LINGO2: variants seen among roughly 807,000 people sequenced by gnomAD.
LINGO2 encodes the protein leucine rich repeat and Ig domain containing 2.
LINGO2 carries 14 observed loss-of-function variants against 30.6 expected under a neutral mutation model. The ratio of observed to expected loss-of-function variants is 0.46; its 90% confidence interval spans 0.30 to 0.72. The LOEUF is 0.72. LINGO2 is among the 30% of genes least tolerant of loss of function. LINGO2 has a pLI of 0.07. For missense variants in LINGO2, 729 were observed against 751.7 expected (o/e 0.97, Z 0.35); for synonymous variants, 317 against 288.5 (o/e 1.10, Z -1.00).
the LINGO2 span, among the ~76,000 whole-genome samples, chr9:29,202,231 G>C: frequency 3.3e-5 from 5 of 151,800 alleles, no homozygotes; most frequent in South Asian, 2.1e-4. Flanking sequence ...TGTAAAAGTA[G>C]AGAGATTCCA....
At chr9:28,337,479 A>G (rs915938263) in intron 3 of LINGO2, among the ~76,000 whole-genome samples, 2 of 152,310 alleles carry the variant, frequency 1.3e-5, no homozygotes, top group African/African-American at 4.8e-5. Context: ...TGTATAAGTA[A>G]CACGGAGCCA....
the LINGO2 span, among the ~76,000 whole-genome samples, chr9:29,048,166 T>C: frequency 6.6e-6 from 1 of 151,822 alleles, no homozygotes; most frequent in Admixed American, 6.6e-5. Flanking sequence ...CATTTCTATA[T>C]GCCAACAATG....
At chr9:29,061,194 C>G in the LINGO2 span, among the ~76,000 whole-genome samples, 1 of 151,934 alleles carries the variant, frequency 6.6e-6, no homozygotes, top group East Asian at 1.9e-4. Context: ...TTGATACATG[C>G]AGCAGCATGC....
chr9:29,004,534 T>C, the LINGO2 span, among the ~76,000 whole-genome samples: 2 of 151,956 alleles, frequency 1.3e-5, no homozygotes, highest in Admixed American at 6.6e-5. Context: ...TGTAATTCTA[T>C]GTACTCTGTC....
At chr9:28,773,486 G>A in the LINGO2 span, among the ~76,000 whole-genome samples, 1 of 152,030 alleles carries the variant, frequency 6.6e-6, no homozygotes, top group African/African-American at 2.4e-5. Context: ...GGATGATGGT[G>A]ATGATGATGA....
chr9:28,618,353 G>A (rs1434167263), intron 1 of LINGO2, among the ~76,000 whole-genome samples: 1 of 151,986 alleles, frequency 6.6e-6, no homozygotes, highest in Non-Finnish European at 1.5e-5. Context: ...GCATCTCCGA[G>A]TGTGTTTCTC....
chr9:28,014,071 CT>C (rs1196110539), intron 4 of LINGO2, among the ~76,000 whole-genome samples: 1 of 152,080 alleles, frequency 6.6e-6, no homozygotes, highest in Admixed American at 6.6e-5. Flanking sequence ...CAAGTGCAGC[CT>C]TTTTTTGCCA....
chr9:29,041,718 A>G, the LINGO2 span, among the ~76,000 whole-genome samples: 1 of 152,070 alleles, frequency 6.6e-6, no homozygotes, highest in African/African-American at 2.4e-5. Context: ...AAAACATAGA[A>G]GAACATCTTC....
At chr9:28,629,269 C>G (rs1587985552) in intron 1 of LINGO2, among the ~76,000 whole-genome samples, 2 of 152,196 alleles carry the variant, frequency 1.3e-5, no homozygotes, top group South Asian at 4.1e-4. Flanking sequence ...ATGGGAGCCA[C>G]TGGACAATTT....
the LINGO2 span, among the ~76,000 whole-genome samples, chr9:28,717,083 A>C: frequency 6.6e-6 from 1 of 152,030 alleles, no homozygotes; most frequent in Admixed American, 6.6e-5. Context: ...ATTTGTTAAT[A>C]TATGACCCCC....
intron 4 of LINGO2, among the ~76,000 whole-genome samples, chr9:28,045,404 A>C (rs1326502430): frequency 6.6e-6 from 1 of 152,198 alleles, no homozygotes; most frequent in Admixed American, 6.5e-5. Flanking sequence ...ATAAGAATCA[A>C]GTTAGCTCTA....
chr9:28,739,402 A>C, the LINGO2 span, among the ~76,000 whole-genome samples: 1 of 152,028 alleles, frequency 6.6e-6, no homozygotes, highest in Admixed American at 6.5e-5. Context: ...ACAGCCAAAA[A>C]GCTATTTGGA....
In LINGO2 at chr9:28,526,802, T is replaced by A. The variant is rs568104628; in HGVS notation, c.-364-50777A>T. On this transcript the variant is annotated intron_variant, in intron 1 of 5. Coordinates refer to ENST00000379992, the Ensembl canonical transcript of LINGO2. ...GCCTTTCCAACTAGGCTTATTTTGG[T>A]TTTACAACGTAATAGATTTTCCTTT... Among the ~76,000 whole-genome samples, 3 of 152,324 alleles carry A rather than the reference T, an allele frequency of 2.0e-5. No homozygotes were observed. The East Asian group carries it at 5.8e-4, about 29-fold the overall frequency.
At chr9:28,906,317 A>C in the LINGO2 span, among the ~76,000 whole-genome samples, 112,434 of 151,722 alleles carry the variant, frequency 0.74, 41,784 homozygotes, top group Non-Finnish European at 0.78. Flanking sequence ...CACTACAAAA[A>C]GTAAGTATGT....
intron 2 of LINGO2, among the ~76,000 whole-genome samples, chr9:28,434,976 C>T (rs1823864969): frequency 6.6e-6 from 1 of 152,110 alleles, no homozygotes; most frequent in Admixed American, 6.5e-5. Context: ...ATAACCTCTA[C>T]ATTTTTCTTC....
intron 3 of LINGO2, among the ~76,000 whole-genome samples, chr9:28,312,495 T>C (rs570905400): frequency 6.6e-6 from 1 of 152,240 alleles, no homozygotes; most frequent in African/African-American, 2.4e-5. Context: ...AAAATAATGA[T>C]AAAATTGCAA....
rs202103709 is a variant in LINGO2, at chr9:28,412,620, T to C, written c.-278-39752A>G. On this transcript the variant is annotated intron_variant, in intron 2 of 5. Transcript: ENST00000379992. ...ACAAAAATAAGTTGCATTTCTATAG[T>C]ACTAATTATAAATCTGAAAATAAAA... 7.2e-5 allele frequency among the ~76,000 whole-genome samples: 11 copies of C among 152,184 alleles called. No homozygotes were observed. In the East Asian group the frequency reaches 2.1e-3, roughly 29 times the overall value.
the LINGO2 span, among the ~76,000 whole-genome samples, chr9:28,825,408 G>A: frequency 5.6e-5 from 8 of 143,972 alleles, no homozygotes; most frequent in Admixed American, 4.1e-4. Flanking sequence ...TGGCAAGCAG[G>A]AGTCGAATTG....
At chr9:28,837,657 TATAC>T in the LINGO2 span, among the ~76,000 whole-genome samples, 3,551 of 103,308 alleles carry the variant, frequency 0.034, 618 homozygotes, top group African/African-American at 0.13. Flanking sequence ...AAAATATATA[TATAC>T]ATATATATAT....
Sources: gnomAD v4.1 joint callset for allele counts (sites outside exome capture counted in the v4.1 genomes callset) on GRCh38, gnomAD v4.1.1 for gene constraint, MANE v1.5 for transcripts, NCBI Gene and HGNC (gene_info 2026-07-23, HGNC 2026-07-21) for gene names.